ARSB: variants seen among roughly 807,000 people sequenced by gnomAD.
ARSB encodes N-acetylgalactosamine-4-sulfatase.
In ARSB, 41 loss-of-function variants were observed where a neutral mutation model predicts 50.9. The observed-to-expected ratio is 0.81, with a 90% confidence interval of 0.63 to 1.04. The LOEUF (loss-of-function observed/expected upper bound fraction) is 1.04, where lower values mean the gene tolerates loss of function less well. ARSB is among the 50% of genes least tolerant of loss of function. The probability of loss-of-function intolerance (pLI) is 0.00; values close to 1 mark genes in which losing one functional copy is unlikely to be tolerated. For missense variants in ARSB, 672 were observed against 693.3 expected (o/e 0.97, Z 0.35); for synonymous variants, 269 against 284.8 (o/e 0.94, Z 0.56).
chr5:78,859,353 T>A (rs1245009716), intron 5 of ARSB, among the ~76,000 whole-genome samples: 2 of 152,152 alleles, frequency 1.3e-5, no homozygotes, highest in Non-Finnish European at 2.9e-5. Flanking sequence ...AAAAAAGTAA[T>A]CAAAAATCAC....
intron 5 of ARSB, among the ~76,000 whole-genome samples, chr5:78,869,512 C>T (rs1013353230): frequency 7.0e-6 from 1 of 142,444 alleles, no homozygotes; most frequent in Admixed American, 7.1e-5. Context: ...AAGAATCTCA[C>T]TCAAAGCCGC....
chr5:78,941,130 A>T (rs1281344001), intron 4 of ARSB, among the ~76,000 whole-genome samples: 2 of 150,500 alleles, frequency 1.3e-5, no homozygotes, highest in Non-Finnish European at 3.0e-5. Flanking sequence ...TTGTATATTG[A>T]TTTTGTATCC....
intron 6 of ARSB, among the ~76,000 whole-genome samples, chr5:78,785,481 G>C (rs577313307): frequency 5.3e-5 from 8 of 152,182 alleles, no homozygotes; most frequent in African/African-American, 1.9e-4. Flanking sequence ...TTCTATGACT[G>C]GATAATTATT....
chr5:78,832,803 TG>T (rs975311388), intron 6 of ARSB, among the ~76,000 whole-genome samples: 56 of 152,264 alleles, frequency 3.7e-4, no homozygotes, highest in African/African-American at 1.2e-3. Flanking sequence ...TGGCCTTTGG[TG>T]GGGTGGAAAA....
At chr5:78,844,813 A>G (rs1443244665) in intron 5 of ARSB, among the ~76,000 whole-genome samples, 1 of 152,114 alleles carries the variant, frequency 6.6e-6, no homozygotes, top group Non-Finnish European at 1.5e-5. Flanking sequence ...ATATGTGTAC[A>G]ATGTGTAATG....
chr5:78,780,694 G>C lies in ARSB; in HGVS notation c.1337-32C>G, dbSNP rs3822473. 0.058 allele frequency: 94,081 copies of C among 1,611,986 alleles called. 3,904 individuals carry two copies. The highest frequency in any genetic ancestry group is 0.19 in the Admixed American group (11,417 of 59,576). On this transcript the variant is annotated intron_variant, in intron 7 of 7. Transcript: ENST00000264914. ...AAGAAAACAAAACAGTTTACTGAGG[G>C]AGAAGCACAGAGGCAGGTTCTAATT...
chr5:78,856,573 T>C (rs73124633), intron 5 of ARSB, among the ~76,000 whole-genome samples: 3,788 of 152,342 alleles, frequency 0.025, 113 homozygotes, highest in South Asian at 0.11. Flanking sequence ...TGTATGTTCA[T>C]AACACAGTTT....
At chr5:78,814,338 T>C (rs1279155109) in intron 6 of ARSB, among the ~76,000 whole-genome samples, 2 of 151,012 alleles carry the variant, frequency 1.3e-5, no homozygotes, top group Admixed American at 6.6e-5. Flanking sequence ...CATGCACATC[T>C]GCGATCCCTT....
At chr5:78,903,930 T>C (rs893343525) in intron 4 of ARSB, among the ~76,000 whole-genome samples, 1 of 152,210 alleles carries the variant, frequency 6.6e-6, no homozygotes, top group African/African-American at 2.4e-5. Context: ...GTCATATAAA[T>C]ACCACCACAA....
At chr5:78,793,893 A>T (rs1181935149) in intron 6 of ARSB, among the ~76,000 whole-genome samples, 2 of 149,978 alleles carry the variant, frequency 1.3e-5, no homozygotes, top group Non-Finnish European at 3.0e-5. Flanking sequence ...AATTTTTATT[A>T]TTTTTTTTTT....
chr5:78,902,370 A>G (rs1412581781), intron 4 of ARSB, among the ~76,000 whole-genome samples: 1 of 152,242 alleles, frequency 6.6e-6, no homozygotes, highest in Non-Finnish European at 1.5e-5. Context: ...ACATAGATTT[A>G]CCACATGATC....
At position 78,952,413 on chromosome 5, in the gene ARSB, T is replaced by G. The variant is rs374128374; in HGVS notation, c.898+2882A>C. On this transcript the variant is annotated intron_variant, in intron 4 of 7. Transcript: ENST00000264914. ...GTACAGTGGCGCAATCTCAGCTCACTGCAGCCTCAACCTCCTAGGCTCAAG... is the reference window on the plus strand; with the variant it reads ...GTACAGTGGCGCAATCTCAGCTCACGGCAGCCTCAACCTCCTAGGCTCAAG... Among the ~76,000 whole-genome samples the G allele has an allele frequency of 1.2e-3, 177 of 152,278 alleles. 2 individuals carry two copies. The highest frequency in any genetic ancestry group is 4.1e-3 in the African/African-American group (172 of 41,564).
At chr5:78,972,354 T>G (rs373808504) in intron 1 of ARSB, among the ~76,000 whole-genome samples, 15 of 152,310 alleles carry the variant, frequency 9.8e-5, no homozygotes, top group East Asian at 5.8e-4. Context: ...CCTAGCATTT[T>G]GCCCCACACA....
intron 5 of ARSB, among the ~76,000 whole-genome samples, chr5:78,840,980 T>C (rs1459265353): frequency 6.6e-6 from 1 of 152,090 alleles, no homozygotes; most frequent in Non-Finnish European, 1.5e-5. Context: ...ATGATGATGA[T>C]GTCTAATTTG....
At chr5:78,874,799 A>C (rs1717011039) in intron 5 of ARSB, among the ~76,000 whole-genome samples, 1 of 152,212 alleles carries the variant, frequency 6.6e-6, no homozygotes. Context: ...ACCATCTACT[A>C]GGCCAAGTCT....
chr5:78,867,101 T>C (rs1746801712), intron 5 of ARSB, among the ~76,000 whole-genome samples: 1 of 152,106 alleles, frequency 6.6e-6, no homozygotes, highest in African/African-American at 2.4e-5. Context: ...AATATTGCGC[T>C]TTTCAGACTG....
intron 4 of ARSB, among the ~76,000 whole-genome samples, chr5:78,916,851 T>A (rs59690649): frequency 0.19 from 28,665 of 152,110 alleles, 2,896 homozygotes; most frequent in East Asian, 0.45. Flanking sequence ...AATGTCAAAC[T>A]TTAAATTACC....
chr5:78,892,248 CTTTTTTT>C (rs34960858), intron 4 of ARSB, among the ~76,000 whole-genome samples: 11 of 87,242 alleles, frequency 1.3e-4, no homozygotes, highest in African/African-American at 3.7e-4. Flanking sequence ...ATTCTCTATT[CTTTTTTT>C]TTTTTTTTTT....
intron 4 of ARSB, among the ~76,000 whole-genome samples, chr5:78,950,287 T>C (rs1751441762): frequency 6.6e-6 from 1 of 152,144 alleles, no homozygotes; most frequent in Admixed American, 6.5e-5. Context: ...TGCCAGAATC[T>C]TGGAAACATG....
Sources: allele counts gnomAD v4.1 joint callset (sites outside exome capture counted in the v4.1 genomes callset), GRCh38; gene constraint gnomAD v4.1.1; transcripts MANE v1.5; gene names NCBI Gene and HGNC (gene_info 2026-07-23, HGNC 2026-07-21).